The following IL1RL1 variants were observed in gnomAD, a reference collection of about 807,000 sequenced individuals.
IL1RL1 encodes the protein interleukin 1 receptor like 1.
A neutral mutation model predicts 50.9 loss-of-function variants in IL1RL1; 32 were observed. The ratio of observed to expected loss-of-function variants is 0.63; its 90% CI spans 0.47 to 0.84. IL1RL1 has a LOEUF of 0.84. Ranked by LOEUF, IL1RL1 falls within the 40% of genes least tolerant of loss-of-function variation. The probability of loss-of-function intolerance (pLI) is 0.00; values close to 1 mark genes in which losing one functional copy is unlikely to be tolerated. For missense variants in IL1RL1, 773 were observed against 662.9 expected (o/e 1.17, Z -1.82); for synonymous variants, 275 against 236.0 (o/e 1.17, Z -1.51).
chr2:102,345,620 C>T, intron 8 of IL1RL1: 1 of 985,426 alleles, frequency 1.0e-6, no homozygotes. Flanking sequence ...GTAATCGTGG[C>T]AGGTCTCTGC....
At chr2:102,321,427 G>T (rs1313641837) in intron 1 of IL1RL1, among the ~76,000 whole-genome samples, 3 of 152,076 alleles carry the variant, frequency 2.0e-5, no homozygotes, top group Non-Finnish European at 4.4e-5. Context: ...GCTTTTCTAA[G>T]CTCAGTTGAT....
chr2:102,350,443 T>G (rs1228909670), intron 10 of IL1RL1, among the ~76,000 whole-genome samples: 1 of 152,222 alleles, frequency 6.6e-6, no homozygotes, highest in African/African-American at 2.4e-5. Flanking sequence ...GTTTTCTACT[T>G]CCCTCTGTCA....
At position 102,338,900 on chromosome 2, in the gene IL1RL1, C is replaced by G. The variant is rs771597596; in HGVS notation, c.125C>G (p.Pro42Arg). Residue 42 changes from proline to arginine, a missense_variant, in exon 3 of 11, where the codon CCT becomes CGT. By Grantham distance (103) the Pro-to-Arg change is moderately radical. Coordinates refer to ENST00000233954, the MANE Select transcript of IL1RL1 (RefSeq NM_016232.5). ...LIVRCPRQGK[P>R]SYTVDWYYSQ... Reference sequence around the variant, plus strand: ...GTAAGATGTCCTAGACAAGGAAAACCTAGTTACACCGTGGATTGGTATTAC... The same window carrying G: ...GTAAGATGTCCTAGACAAGGAAAACGTAGTTACACCGTGGATTGGTATTAC... 4.3e-6 allele frequency: 7 copies of G among 1,613,742 alleles called. No homozygotes were observed. The highest frequency in any genetic ancestry group is 5.9e-6 in the Non-Finnish European group (7 of 1,179,740).
chr2:102,350,027 A>C (rs138237389), intron 10 of IL1RL1, among the ~76,000 whole-genome samples: 16 of 151,848 alleles, frequency 1.1e-4, no homozygotes, highest in Admixed American at 1.3e-4. Context: ...AGGTATGAAC[A>C]ACAGGTGACT....
intron 2 of IL1RL1, 64 bp from the exon 3 acceptor site, chr2:102,338,773 G>T (rs1677425997): frequency 8.1e-7 from 1 of 1,239,646 alleles, no homozygotes; most frequent in Non-Finnish European, 1.2e-6. Context: ...AATATTGAGA[G>T]TATAAGAATT....
At chr2:102,338,709 C>T (rs1677423961) in intron 2 of IL1RL1, 128 bp from the exon 3 acceptor site, 8 of 692,154 alleles carry the variant, frequency 1.2e-5, no homozygotes, top group Non-Finnish European at 1.5e-5. Flanking sequence ...GTTACTTATT[C>T]TTTCCCAAGG....
At chr2:102,341,811 G>A (rs1330727371) in intron 5 of IL1RL1, among the ~76,000 whole-genome samples, 1 of 152,106 alleles carries the variant, frequency 6.6e-6, no homozygotes, top group Non-Finnish European at 1.5e-5. Flanking sequence ...CCACCCTAGT[G>A]GAGAACTGCG....
At chr2:102,339,158 T>G (rs1414957907) in intron 3 of IL1RL1, 111 bp downstream of exon 3, 1 of 711,364 alleles carries the variant, frequency 1.4e-6, no homozygotes, top group Non-Finnish European at 2.4e-6. Context: ...CTGGAACAGT[T>G]AAATTTATAA....
chr2:102,349,180 G>T lies in IL1RL1; in HGVS notation c.1219G>T (p.Asp407Tyr), dbSNP rs1369118238. ...GCACTTTGTTCACCAGATTCTGCCT[G>T]ATGTTCTTGAAAATAAATGTGGCTA... is the stretch of plus-strand genomic sequence containing the variant. ...VEHFVHQILPDVLENKCGYTL... is the reference protein window; with the variant it reads ...VEHFVHQILPYVLENKCGYTL... Residue 407 changes from aspartate to tyrosine, a missense_variant, in exon 10 of 11, where the codon GAT becomes TAT. Coordinates refer to ENST00000233954, the MANE Select transcript of IL1RL1 (RefSeq NM_016232.5). 1 of 1,613,744 alleles carries T rather than the reference G, an allele frequency of 6.2e-7. No homozygotes were observed. The highest frequency in any genetic ancestry group is 2.2e-5 in the East Asian group (1 of 44,866).
chr2:102,343,789 A>G, intron 8 of IL1RL1: 1 of 1,110,602 alleles, frequency 9.0e-7, no homozygotes, highest in Non-Finnish European at 1.1e-6. Flanking sequence ...TATAACTTGC[A>G]TTACATGTTG....
chr2:102,335,089 C>A (rs116828429), intron 1 of IL1RL1, among the ~76,000 whole-genome samples: 1 of 152,062 alleles, frequency 6.6e-6, no homozygotes, highest in Non-Finnish European at 1.5e-5. Context: ...GAGAAACAAG[C>A]GGACACTGGA....
At chr2:102,346,185 G>C (rs1305342255) in intron 8 of IL1RL1, 1 of 329,862 alleles carries the variant, frequency 3.0e-6, no homozygotes, top group Non-Finnish European at 4.3e-6. Flanking sequence ...AAAGGCCTAT[G>C]TCTCCATTTT....
intron 1 of IL1RL1, among the ~76,000 whole-genome samples, chr2:102,312,365 A>G (rs191396842): frequency 9.4e-4 from 143 of 151,566 alleles, no homozygotes; most frequent in African/African-American, 3.2e-3. Flanking sequence ...TGGGAAAATC[A>G]TGGTACAGAT....
chr2:102,342,519 T>C (rs1419059466), intron 6 of IL1RL1, among the ~76,000 whole-genome samples: 4 of 152,206 alleles, frequency 2.6e-5, no homozygotes, highest in Non-Finnish European at 5.9e-5. Flanking sequence ...TTGTAATTCA[T>C]GATGCTTTCA....
At position 102,351,793 on chromosome 2, in the gene IL1RL1, G is replaced by A. The variant is rs1677944481; in HGVS notation, c.1543G>A (p.Asp515Asn). Residue 515 changes from aspartate to asparagine, a missense_variant, in exon 11 of 11, where the codon GAC becomes AAC. By Grantham distance (23) the Asp-to-Asn change is conservative. Transcript: ENST00000233954. ...KVQGTIKWRE[D>N]HIANKRSLNS... is the part of the protein sequence containing the mutation. Reference sequence around the variant, plus strand: ...ACAGGGGACCATCAAGTGGAGGGAGGACCACATTGCCAATAAAAGGTCCCT... The same window carrying A: ...ACAGGGGACCATCAAGTGGAGGGAGAACCACATTGCCAATAAAAGGTCCCT... The A allele has an allele frequency of 6.2e-7, 1 of 1,614,042 alleles. No homozygotes were observed. The highest frequency in any genetic ancestry group is 8.5e-7 in the Non-Finnish European group (1 of 1,179,988).
intron 1 of IL1RL1, among the ~76,000 whole-genome samples, chr2:102,324,389 A>G (rs867263790): frequency 6.6e-6 from 1 of 152,158 alleles, no homozygotes; most frequent in African/African-American, 2.4e-5. Flanking sequence ...AGATGGCCAA[A>G]TAGGAACAGC....
chr2:102,326,601 GA>G (rs1371078808), intron 1 of IL1RL1, among the ~76,000 whole-genome samples: 1 of 152,066 alleles, frequency 6.6e-6, no homozygotes, highest in Non-Finnish European at 1.5e-5. Flanking sequence ...TTATATTCAG[GA>G]AACCCATCTC....
At chr2:102,336,820 T>A (rs1677342379) in intron 1 of IL1RL1, among the ~76,000 whole-genome samples, 1 of 152,200 alleles carries the variant, frequency 6.6e-6, no homozygotes, top group Non-Finnish European at 1.5e-5. Flanking sequence ...CAGAAAGTGC[T>A]GCTTACTTCG....
At chr2:102,322,736 A>G (rs1427496898) in intron 1 of IL1RL1, among the ~76,000 whole-genome samples, 1 of 152,250 alleles carries the variant, frequency 6.6e-6, no homozygotes, top group African/African-American at 2.4e-5. Flanking sequence ...CCCATGTATC[A>G]TCATCCATAT....
Sources: gnomAD v4.1 joint callset for allele counts (sites outside exome capture counted in the v4.1 genomes callset) on GRCh38, gnomAD v4.1.1 for gene constraint, MANE v1.5 for transcripts, NCBI Gene and HGNC (gene_info 2026-07-23, HGNC 2026-07-21) for gene names.